CSMD3: variants seen among roughly 807,000 people sequenced by gnomAD.
CSMD3 encodes the protein CUB and Sushi multiple domains 3.
In CSMD3, 177 loss-of-function variants were observed where a neutral mutation model predicts 435.2. The observed-to-expected ratio is 0.41, with a 90% CI of 0.36 to 0.46. The LOEUF is 0.46. Ranked by LOEUF, CSMD3 falls within the 20% of genes least tolerant of loss-of-function variation. The probability of loss-of-function intolerance (pLI) is 0.34; values close to 1 mark genes in which losing one functional copy is unlikely to be tolerated. For missense variants in CSMD3, 4,265 were observed against 4,504.6 expected (o/e 0.95, Z 1.52); for synonymous variants, 1,656 against 1,520.5 (o/e 1.09, Z -2.07).
Position 113,098,875 on chromosome 8 carries a change from A to G in CSMD3, c.798T>C (p.Asp266=). ...SFPNEYHNNA[D]CTWTIVAEPG... ...GCTCTGCTACAATGGTCCAAGTGCA[A>G]TCAGCATTGTTATGGTACTCATTAG... The change falls in exon 5 of 71, where the codon GAT becomes GAC. Residue 266 remains aspartate (D), a synonymous_variant. Coordinates refer to ENST00000297405, the MANE Select transcript of CSMD3 (RefSeq NM_198123.2). 1 of 1,611,476 alleles carries G rather than the reference A, an allele frequency of 6.2e-7. No homozygotes were observed. Among genetic ancestry groups the G allele is most frequent in the Non-Finnish European group, 8.5e-7 (1 of 1,177,818 alleles).
At chr8:113,161,634 T>A (rs1357846759) in intron 4 of CSMD3, among the ~76,000 whole-genome samples, 1 of 152,132 alleles carries the variant, frequency 6.6e-6, no homozygotes, top group East Asian at 1.9e-4. Context: ...TTATGATAGA[T>A]ACTTTTACCG....
intron 3 of CSMD3, among the ~76,000 whole-genome samples, chr8:113,211,745 C>A (rs1031568237): frequency 6.6e-5 from 10 of 151,970 alleles, no homozygotes; most frequent in Non-Finnish European, 1.0e-4. Context: ...TTTAAGTGAA[C>A]CAAAACCTGA....
chr8:113,434,624 TG>T lies in CSMD3; in HGVS notation c.178+2052del, dbSNP rs548939734. ...TAACTTTATTGACATTGAAAAAAAA[TG>T]TTTTTTACGTATAGTCTGTAGAATA... is the stretch of plus-strand genomic sequence containing the variant. On this transcript the variant is annotated intron_variant, in intron 1 of 70. Transcript: ENST00000297405. Among the ~76,000 whole-genome samples the T allele has an allele frequency of 3.4e-3, 514 of 152,268 alleles. 2 individuals are homozygous for T. The highest frequency in any genetic ancestry group is 0.012 in the African/African-American group (487 of 41,554).
At chr8:112,308,499 T>C (rs1039870544) in intron 50 of CSMD3, among the ~76,000 whole-genome samples, 2 of 151,996 alleles carry the variant, frequency 1.3e-5, no homozygotes, top group African/African-American at 4.8e-5. Flanking sequence ...TCTCCGCTAA[T>C]TTTTTTAAAA....
intron 37 of CSMD3, among the ~76,000 whole-genome samples, chr8:112,383,203 C>T (rs890734532): frequency 6.6e-6 from 1 of 152,052 alleles, no homozygotes; most frequent in Admixed American, 6.6e-5. Flanking sequence ...ATTTTCATGA[C>T]TTCATAGCAC....
At chr8:113,253,854 A>G (rs1340153088) in intron 3 of CSMD3, among the ~76,000 whole-genome samples, 1 of 149,638 alleles carries the variant, frequency 6.7e-6, no homozygotes, top group Non-Finnish European at 1.5e-5. Flanking sequence ...AAAAAAAAAG[A>G]AAAGAAAAGA....
intron 32 of CSMD3, among the ~76,000 whole-genome samples, chr8:112,436,900 A>G (rs999943781): frequency 6.6e-6 from 1 of 152,110 alleles, no homozygotes. Context: ...GACATATGGC[A>G]TTTGAATGAA....
intron 53 of CSMD3, among the ~76,000 whole-genome samples, chr8:112,296,844 T>C (rs1298010318): frequency 6.6e-6 from 1 of 151,928 alleles, no homozygotes; most frequent in East Asian, 1.9e-4. Flanking sequence ...AACTCTTAGC[T>C]AACCCTATTA....
At chr8:112,655,131 A>T (rs1359057335) in intron 18 of CSMD3, among the ~76,000 whole-genome samples, 1 of 152,088 alleles carries the variant, frequency 6.6e-6, no homozygotes, top group African/African-American at 2.4e-5. Flanking sequence ...ATGGATCTAT[A>T]TTGACAATTA....
intron 32 of CSMD3, among the ~76,000 whole-genome samples, chr8:112,446,371 A>T (rs1815607193): frequency 6.6e-6 from 1 of 152,258 alleles, no homozygotes; most frequent in South Asian, 2.1e-4. Flanking sequence ...GACAATAATC[A>T]ATCACATTAT....
At chr8:113,271,361 A>T (rs888791602) in intron 3 of CSMD3, among the ~76,000 whole-genome samples, 1 of 152,090 alleles carries the variant, frequency 6.6e-6, no homozygotes, top group Non-Finnish European at 1.5e-5. Context: ...CCTAGGAGAA[A>T]AAAACGGTTT....
intron 10 of CSMD3, among the ~76,000 whole-genome samples, chr8:112,881,192 A>G (rs916073829): frequency 6.6e-6 from 1 of 152,024 alleles, no homozygotes; most frequent in African/African-American, 2.4e-5. Flanking sequence ...AACCCAAACA[A>G]GTTGATTATA....
chr8:112,514,994 T>C (rs1408366346), intron 28 of CSMD3, among the ~76,000 whole-genome samples: 2 of 152,080 alleles, frequency 1.3e-5, no homozygotes, highest in Non-Finnish European at 1.5e-5. Context: ...AGTATCATTA[T>C]CTATAGAAAA....
chr8:113,032,379 T>A (rs893243801), intron 5 of CSMD3, among the ~76,000 whole-genome samples: 2 of 151,518 alleles, frequency 1.3e-5, no homozygotes, highest in Admixed American at 6.6e-5. Context: ...GATGAGGAAC[T>A]GACTGGGAAC....
At chr8:113,223,554 T>A (rs1057238820) in intron 3 of CSMD3, among the ~76,000 whole-genome samples, 1 of 149,960 alleles carries the variant, frequency 6.7e-6, no homozygotes, top group Admixed American at 6.7e-5. Context: ...TTATATATAT[T>A]TTTACAACAC....
intron 13 of CSMD3, among the ~76,000 whole-genome samples, chr8:112,720,932 A>G: frequency 6.6e-6 from 1 of 152,230 alleles, no homozygotes; most frequent in East Asian, 1.9e-4. Context: ...TTTGGAATGT[A>G]TCCTCATCTC....
chr8:112,282,202 TTC>T (rs1291012581), intron 58 of CSMD3, among the ~76,000 whole-genome samples: 1 of 151,952 alleles, frequency 6.6e-6, no homozygotes, highest in African/African-American at 2.4e-5. Flanking sequence ...TCTTAAATAT[TTC>T]TTTTTGCCTA....
intron 59 of CSMD3, among the ~76,000 whole-genome samples, chr8:112,270,753 A>G (rs1303484198): frequency 6.6e-6 from 1 of 152,178 alleles, no homozygotes; most frequent in African/African-American, 2.4e-5. Flanking sequence ...TTGAAAAGCT[A>G]AAAATTGGAT....
chr8:113,098,146 C>T (rs769929165), intron 5 of CSMD3, among the ~76,000 whole-genome samples: 3 of 152,036 alleles, frequency 2.0e-5, no homozygotes, highest in Non-Finnish European at 4.4e-5. Context: ...AAAAGATCCT[C>T]TCTAGTCTAG....
Sources: gnomAD v4.1 joint callset for allele counts (sites outside exome capture counted in the v4.1 genomes callset) on GRCh38, gnomAD v4.1.1 for gene constraint, MANE v1.5 for transcripts, NCBI Gene and HGNC (gene_info 2026-07-23, HGNC 2026-07-21) for gene names.